GLIS1: variants seen among roughly 807,000 people sequenced by gnomAD.
The protein encoded by GLIS1 is GLIS family zinc finger 1.
A neutral mutation model predicts 63.8 loss-of-function variants in GLIS1; 24 were observed. That is an observed-to-expected ratio of 0.38 (90% CI 0.27 to 0.53). The LOEUF is 0.53. Among genes scored for constraint, GLIS1 ranks in the 20% least tolerant of loss-of-function variants. The pLI, the probability that GLIS1 is intolerant of heterozygous loss-of-function variation, is 0.85. For synonymous variants in GLIS1, 450 were observed against 482.5 expected, an observed-to-expected ratio of 0.93 and a Z score of 0.88; for missense variants, 1,036 against 1,074.1, an observed-to-expected ratio of 0.96 and a Z score of 0.50.
intron 2 of GLIS1, among the ~76,000 whole-genome samples, chr1:53,642,272 C>T (rs960027376): frequency 9.9e-5 from 15 of 152,228 alleles, no homozygotes; most frequent in African/African-American, 3.6e-4. Context: ...AGCAGCTTGG[C>T]AATCTGGGAT....
intron 2 of GLIS1, among the ~76,000 whole-genome samples, chr1:53,693,799 C>T (rs1646434431): frequency 1.3e-5 from 2 of 152,262 alleles, no homozygotes; most frequent in Non-Finnish European, 2.9e-5. Flanking sequence ...TCAGTGCCCC[C>T]ACCTGGAAAG....
rs146903298 is a variant in GLIS1, at chr1:53,669,664, G to A, written c.259+68142C>T. 1.4e-3 allele frequency among the ~76,000 whole-genome samples: 216 copies of A among 152,304 alleles called. 1 individual carries two copies. The highest frequency in any genetic ancestry group is 4.8e-3 in the African/African-American group (198 of 41,558). On this transcript the variant is annotated intron_variant, in intron 2 of 10. Coordinates refer to ENST00000628545, the MANE Select transcript of GLIS1 (RefSeq NM_001367484.1). ...GGACCTTATAGGCTGCAGGATGTCTGGGCTCCATAGCCCCAGTGCTGCCTT... is the reference window on the plus strand; with the variant it reads ...GGACCTTATAGGCTGCAGGATGTCTAGGCTCCATAGCCCCAGTGCTGCCTT...
In GLIS1 at chr1:53,538,465, G is replaced by A. The variant is rs79991932; in HGVS notation, c.1321-8513C>T. On this transcript the variant is annotated intron_variant, in intron 4 of 10. Transcript: ENST00000628545. ...GAAACTGAGTTTAGGTGAAGTGCCA[G>A]AGTCCCAGCGCTCACTCATGGGATG... Among the ~76,000 whole-genome samples the A allele has an allele frequency of 1.4e-3, 211 of 152,330 alleles. No homozygotes were observed. The East Asian group carries it at 0.035, about 25-fold the overall frequency.
chr1:53,570,044 T>C (rs1644970159), intron 4 of GLIS1, among the ~76,000 whole-genome samples: 1 of 152,128 alleles, frequency 6.6e-6, no homozygotes, highest in African/African-American at 2.4e-5. Flanking sequence ...AATCAAAATC[T>C]AATCAAGGTT....
chr1:53,597,244 G>A (rs1645267451), intron 3 of GLIS1, among the ~76,000 whole-genome samples: 1 of 147,182 alleles, frequency 6.8e-6, no homozygotes, highest in Non-Finnish European at 1.5e-5. Flanking sequence ...GTGGTGGCGG[G>A]CGCCTGTAGT....
intron 2 of GLIS1, among the ~76,000 whole-genome samples, chr1:53,665,932 A>G (rs1261302480): frequency 1.3e-5 from 2 of 152,192 alleles, no homozygotes; most frequent in Non-Finnish European, 1.5e-5. Context: ...GCCCAAGTGG[A>G]GTAGATTTAA....
intron 4 of GLIS1, among the ~76,000 whole-genome samples, chr1:53,555,153 C>G (rs1325157656): frequency 1.3e-5 from 2 of 152,232 alleles, no homozygotes; most frequent in African/African-American, 4.8e-5. Flanking sequence ...ACCTGTAAAG[C>G]AACCTATCAG....
chr1:53,509,232 G>A lies in GLIS1; in HGVS notation c.2118C>T (p.Tyr706=), dbSNP rs1414723276. The A allele has an allele frequency of 1.9e-6, 3 of 1,595,924 alleles. No homozygotes were observed. Among genetic ancestry groups the A allele is most frequent in the South Asian group, 1.1e-5 (1 of 87,874 alleles). The change falls in exon 10 of 11, where the codon TAC becomes TAT. Residue 706 remains tyrosine, a synonymous_variant. Coordinates refer to ENST00000628545, the MANE Select transcript of GLIS1 (RefSeq NM_001367484.1). ...IQSCFPYGDC[Y]RMAEPAAGGD... is the part of the protein sequence containing the mutation. The stretch of plus-strand genomic sequence containing the variant: ...CACCGGCTGCTGGTTCAGCCATCCG[G>A]TAGCAGTCGCCATAGGGGAAGCAAC...
At chr1:53,706,889 G>A (rs1646584224) in intron 2 of GLIS1, among the ~76,000 whole-genome samples, 2 of 152,164 alleles carry the variant, frequency 1.3e-5, no homozygotes, top group South Asian at 2.1e-4. Flanking sequence ...AGCTGGGGCT[G>A]GTCCGTTTGC....
intron 2 of GLIS1, among the ~76,000 whole-genome samples, chr1:53,658,092 A>G (rs553238912): frequency 2.6e-5 from 4 of 152,180 alleles, no homozygotes; most frequent in African/African-American, 9.6e-5. Flanking sequence ...ACCATTCCCC[A>G]GATGGAGCAC....
intron 4 of GLIS1, among the ~76,000 whole-genome samples, chr1:53,582,026 C>T (rs1197807624): frequency 6.6e-6 from 1 of 152,178 alleles, no homozygotes; most frequent in Non-Finnish European, 1.5e-5. Flanking sequence ...GAACCACAGA[C>T]AATTTGAATG....
chr1:53,538,267 G>C (rs183497362), intron 4 of GLIS1, among the ~76,000 whole-genome samples: 7 of 152,188 alleles, frequency 4.6e-5, no homozygotes, highest in African/African-American at 1.7e-4. Flanking sequence ...TGAGGCTCTC[G>C]AGGGTCTGGT....
intron 4 of GLIS1, among the ~76,000 whole-genome samples, chr1:53,581,958 G>T (rs1024048528): frequency 3.3e-5 from 5 of 152,184 alleles, no homozygotes; most frequent in African/African-American, 1.2e-4. Flanking sequence ...TGGAGTCCAA[G>T]TCTTCCATTT....
chr1:53,678,358 G>A (rs1047071782), intron 2 of GLIS1, among the ~76,000 whole-genome samples: 17 of 145,878 alleles, frequency 1.2e-4, no homozygotes, highest in Non-Finnish European at 2.1e-4. Flanking sequence ...AGGGGGGAGC[G>A]GGGTCACTGC....
At chr1:53,592,777 C>T (rs1330657745) in intron 4 of GLIS1, among the ~76,000 whole-genome samples, 1 of 152,258 alleles carries the variant, frequency 6.6e-6, no homozygotes, top group African/African-American at 2.4e-5. Flanking sequence ...TCCTGCCTCC[C>T]CTTGGCACAG....
intron 3 of GLIS1, among the ~76,000 whole-genome samples, chr1:53,599,258 A>T (rs1406240574): frequency 6.6e-6 from 1 of 152,234 alleles, no homozygotes; most frequent in Non-Finnish European, 1.5e-5. Flanking sequence ...GGCCTTTAAA[A>T]GGTGACTGGG....
chr1:53,508,356 C>T (rs929464216), intron 10 of GLIS1, among the ~76,000 whole-genome samples: 1 of 152,196 alleles, frequency 6.6e-6, no homozygotes, highest in Non-Finnish European at 1.5e-5. Context: ...ATACCTGTCC[C>T]TCCACCCTCC....
intron 8 of GLIS1, 138 bp downstream of exon 8, chr1:53,514,487 C>T: frequency 2.5e-6 from 2 of 811,656 alleles, no homozygotes; most frequent in African/African-American, 1.7e-5. Flanking sequence ...ATGCAGTCTG[C>T]AGTCAGTGTT....
At chr1:53,703,638 C>CT (rs1646547167) in intron 2 of GLIS1, among the ~76,000 whole-genome samples, 3 of 113,876 alleles carry the variant, frequency 2.6e-5, no homozygotes, top group African/African-American at 1.0e-4. Context: ...GACCCTGTCT[C>CT]TAAAAAAAAA....
Sources: gnomAD v4.1 joint callset for allele counts (sites outside exome capture counted in the v4.1 genomes callset) on GRCh38, gnomAD v4.1.1 for gene constraint, MANE v1.5 for transcripts, NCBI Gene and HGNC (gene_info 2026-07-23, HGNC 2026-07-21) for gene names.